Variants in PDE11A observed in about 807,000 individuals in gnomAD.
PDE11A encodes dual 3',5'-cyclic-AMP and -GMP phosphodiesterase 11A.
In PDE11A, 100 loss-of-function variants were observed where a neutral mutation model predicts 100.5. That is an observed-to-expected ratio of 1.00 (90% CI 0.85 to 1.18). The LOEUF is 1.18. Ranked by LOEUF, PDE11A falls within the 50% of genes most tolerant of loss-of-function variation. The pLI, the probability that PDE11A is intolerant of heterozygous loss-of-function variation, is 0.00. For missense variants in PDE11A, 1,141 were observed against 1,152.6 expected (o/e 0.99, Z 0.15); for synonymous variants, 381 against 420.8 (o/e 0.91, Z 1.16).
intron 5 of PDE11A, among the ~76,000 whole-genome samples, chr2:177,841,393 G>A (rs142100443): frequency 6.6e-6 from 1 of 150,834 alleles, no homozygotes; most frequent in East Asian, 1.9e-4. Flanking sequence ...GCTGCCTTAT[G>A]TGGAACCCTG....
At chr2:177,773,681 T>C (rs1342208600) in intron 9 of PDE11A, among the ~76,000 whole-genome samples, 2 of 152,224 alleles carry the variant, frequency 1.3e-5, no homozygotes, top group Non-Finnish European at 2.9e-5. Context: ...AGTTCCTGTT[T>C]GTAGGACTCC....
intron 16 of PDE11A, among the ~76,000 whole-genome samples, chr2:177,677,633 A>G (rs965254121): frequency 4.6e-5 from 7 of 152,170 alleles, no homozygotes; most frequent in Admixed American, 1.3e-4. Context: ...AAGGAGACTC[A>G]TTGGAGATGT....
intron 2 of PDE11A, among the ~76,000 whole-genome samples, chr2:177,994,809 T>C (rs2105812824): frequency 6.6e-6 from 1 of 152,118 alleles, no homozygotes; most frequent in Middle Eastern, 3.4e-3. Context: ...TGGATGGGTC[T>C]TTTTTTTAAT....
chr2:177,729,996 A>G (rs1229369155), intron 10 of PDE11A, among the ~76,000 whole-genome samples: 1 of 152,138 alleles, frequency 6.6e-6, no homozygotes, highest in Non-Finnish European at 1.5e-5. Context: ...TTGATTGCAA[A>G]AAAAGAAACA....
intron 10 of PDE11A, among the ~76,000 whole-genome samples, chr2:177,733,288 T>G (rs1180072775): frequency 1.3e-5 from 2 of 152,224 alleles, no homozygotes; most frequent in African/African-American, 4.8e-5. Context: ...AAAGAACCAT[T>G]TACTTTACTG....
At chr2:178,001,822 C>T (rs1574334518) in intron 2 of PDE11A, among the ~76,000 whole-genome samples, 2 of 152,150 alleles carry the variant, frequency 1.3e-5, no homozygotes, top group African/African-American at 4.8e-5. Context: ...GTATATGAAC[C>T]ATTTGACCCA....
chr2:177,751,391 G>T (rs1013912794), intron 10 of PDE11A, among the ~76,000 whole-genome samples: 3 of 152,076 alleles, frequency 2.0e-5, no homozygotes, highest in African/African-American at 7.2e-5. Flanking sequence ...GACTAATAGC[G>T]CTTCCTCACA....
At chr2:177,863,801 AT>A in intron 5 of PDE11A, among the ~76,000 whole-genome samples, 1 of 152,038 alleles carries the variant, frequency 6.6e-6, no homozygotes, top group Non-Finnish European at 1.5e-5. Flanking sequence ...GGGGTTAAAA[AT>A]ACAACTACCC....
intron 10 of PDE11A, among the ~76,000 whole-genome samples, chr2:177,752,931 G>A (rs2082043204): frequency 6.6e-6 from 1 of 152,220 alleles, no homozygotes; most frequent in Non-Finnish European, 1.5e-5. Flanking sequence ...TATCATAACT[G>A]TTAGTTATAG....
chr2:178,001,539 C>A (rs1002037637), intron 2 of PDE11A, among the ~76,000 whole-genome samples: 2 of 152,090 alleles, frequency 1.3e-5, no homozygotes, highest in Admixed American at 1.3e-4. Context: ...CTGATTACTG[C>A]AATTAGTCCT....
At chr2:177,756,892 G>A (rs148246252) in intron 10 of PDE11A, among the ~76,000 whole-genome samples, 1 of 152,184 alleles carries the variant, frequency 6.6e-6, no homozygotes, top group Non-Finnish European at 1.5e-5. Flanking sequence ...TCTTAGCAAG[G>A]TCTGTTGAAA....
intron 5 of PDE11A, among the ~76,000 whole-genome samples, chr2:177,853,178 C>T (rs1399740041): frequency 6.6e-6 from 1 of 151,804 alleles, no homozygotes; most frequent in Non-Finnish European, 1.5e-5. Flanking sequence ...CATTTCCTGT[C>T]AGTGAGATTA....
chr2:178,034,863 A>T (rs1309514452), intron 1 of PDE11A, among the ~76,000 whole-genome samples: 1 of 152,204 alleles, frequency 6.6e-6, no homozygotes, highest in Non-Finnish European at 1.5e-5. Context: ...TCTCTGGGAC[A>T]CATTTAAAGC....
chr2:177,650,644 T>C (rs532863051), intron 19 of PDE11A, among the ~76,000 whole-genome samples: 77 of 152,350 alleles, frequency 5.1e-4, no homozygotes, highest in African/African-American at 1.8e-3. Flanking sequence ...ATTTTTTTCC[T>C]TAGAATAGTT....
At chr2:177,722,496 T>C (rs1042701681) in intron 12 of PDE11A, among the ~76,000 whole-genome samples, 4 of 152,170 alleles carry the variant, frequency 2.6e-5, no homozygotes, top group Non-Finnish European at 4.4e-5. Context: ...GCCTTTTTTC[T>C]TTTATAAAAT....
At chr2:177,725,264 C>A (rs2081583644) in intron 12 of PDE11A, among the ~76,000 whole-genome samples, 1 of 152,002 alleles carries the variant, frequency 6.6e-6, no homozygotes, top group Non-Finnish European at 1.5e-5. Context: ...TTAAAAAATT[C>A]TGATTAACCA....
At chr2:177,634,482 T>C (rs924364676) in intron 19 of PDE11A, among the ~76,000 whole-genome samples, 1 of 150,856 alleles carries the variant, frequency 6.6e-6, no homozygotes, top group East Asian at 2.0e-4. Flanking sequence ...TCCGCCTCCC[T>C]GGTTCAAGCG....
At chr2:178,024,023 T>TA (rs2086446047) in intron 1 of PDE11A, among the ~76,000 whole-genome samples, 1 of 152,100 alleles carries the variant, frequency 6.6e-6, no homozygotes. Context: ...CCCAACTAAT[T>TA]AAATCACAAT....
intron 2 of PDE11A, among the ~76,000 whole-genome samples, chr2:177,946,441 C>T (rs1574299462): frequency 5.7e-5 from 3 of 52,206 alleles, no homozygotes; most frequent in African/African-American, 9.2e-5. Context: ...CCAGCCGCCC[C>T]GTCCGGGAGG....
Sources: gnomAD v4.1 joint callset for allele counts (sites outside exome capture counted in the v4.1 genomes callset) on GRCh38, gnomAD v4.1.1 for gene constraint, MANE v1.5 for transcripts, NCBI Gene and HGNC (gene_info 2026-07-23, HGNC 2026-07-21) for gene names.